The following SCAF4 variants were observed in gnomAD, a reference collection of about 807,000 sequenced individuals.
SCAF4 encodes SR-related CTD associated factor 4, also known as SR-related and CTD-associated factor 4.
In SCAF4, 25 loss-of-function variants were observed where a neutral mutation model predicts 129.8. That is an observed-to-expected ratio of 0.19 (90% CI 0.14 to 0.27). SCAF4 has a LOEUF of 0.27. Among genes scored for constraint, SCAF4 ranks in the 10% least tolerant of loss-of-function variants. The pLI, the probability that SCAF4 is intolerant of heterozygous loss-of-function variation, is 1.00. For missense variants in SCAF4, 1,246 were observed against 1,457.1 expected, an observed-to-expected ratio of 0.86 and a Z score of 2.36; for synonymous variants, 551 against 497.7, an observed-to-expected ratio of 1.11 and a Z score of -1.43.
chr21:31,683,676 G>C (rs1012131623), intron 19 of SCAF4, among the ~76,000 whole-genome samples: 1 of 151,182 alleles, frequency 6.6e-6, no homozygotes, highest in African/African-American at 2.4e-5. Flanking sequence ...TTGCTATCCA[G>C]ATTCTGTGAT....
At chr21:31,727,668 T>C (rs768671393) in intron 1 of SCAF4, among the ~76,000 whole-genome samples, 1 of 152,038 alleles carries the variant, frequency 6.6e-6, no homozygotes, top group African/African-American at 2.4e-5. Flanking sequence ...GGTGTGCTCC[T>C]GTAGTCCCAG....
Position 31,685,557 on chromosome 21 carries a change from A to G in SCAF4, c.2209+11T>C, listed in dbSNP as rs778594323. On this transcript the variant is annotated intron_variant, in intron 17 of 19. Coordinates refer to ENST00000286835, the MANE Select transcript of SCAF4 (RefSeq NM_020706.2). ...AGGCTCTAAAGTATGTTCACAGACA[A>G]TTTAGTGTACCTGGTGGTAAATGCA... The G allele has an allele frequency of 1.9e-6, 3 of 1,614,136 alleles. No homozygotes were observed. Among genetic ancestry groups the G allele is most frequent in the Admixed American group, 1.7e-5 (1 of 60,028 alleles).
intron 6 of SCAF4, 142 bp downstream of exon 6, chr21:31,701,634 T>C (rs1201309711): frequency 6.1e-6 from 5 of 814,856 alleles, no homozygotes; most frequent in Non-Finnish European, 7.3e-6. Flanking sequence ...CCTCCTACAT[T>C]ACTTCTCTTG....
chr21:31,724,851 C>T (rs1275575772), intron 1 of SCAF4, among the ~76,000 whole-genome samples: 1 of 152,196 alleles, frequency 6.6e-6, no homozygotes, highest in Non-Finnish European at 1.5e-5. Flanking sequence ...ATCAATTCCT[C>T]ATGTGTTCAT....
At chr21:31,688,233 C>G in intron 16 of SCAF4, 74 bp downstream of exon 16, 2 of 1,396,230 alleles carry the variant, frequency 1.4e-6, no homozygotes, top group Admixed American at 4.1e-5. Flanking sequence ...TGAATCCAGA[C>G]ATATATCTAC....
chr21:31,671,314 G>T lies in SCAF4; in HGVS notation c.*85C>A. 6.8e-7 allele frequency: 1 copy of T among 1,472,246 alleles called. No individual in the cohort carries two copies. The highest frequency in any genetic ancestry group is 9.1e-7 in the Non-Finnish European group (1 of 1,095,688). The allele number at this position is 1,472,246 out of a possible 1,614,324, so 91.2% of individuals were successfully genotyped here. A position where few individuals can be genotyped will look rare whatever the true frequency, so the allele number is the denominator to read the frequency against. The stretch of plus-strand genomic sequence containing the variant: ...AGCTGGCGCGGGGCTGCAGTACAGC[G>T]GGAGCGGATATAATACAGCATCTGT... On this transcript the variant is annotated 3_prime_UTR_variant, in exon 20 of 20. Transcript: ENST00000286835.
In SCAF4 at chr21:31,693,467, C is replaced by T. The variant is rs1177245941; in HGVS notation, c.1340G>A (p.Arg447Gln). Residue 447 changes from arginine (R) to glutamine (Q), a missense_variant, in exon 12 of 20, where the codon CGA becomes CAA. Around this residue, in one of 6 missense-constraint regions of SCAF4, gnomAD observed 468 missense variants for 605.5 expected, o/e 0.77. Coordinates refer to ENST00000286835, the MANE Select transcript of SCAF4 (RefSeq NM_020706.2). Reference protein sequence around the residue: ...RSASRSPKRRRSRSGSRSRRS... With the variant: ...RSASRSPKRRQSRSGSRSRRS... ...TCGAGATCTAGAACCAGATCTAGAT[C>T]GCCTCCTTTTTGGTGACCTAATGTT... is the stretch of plus-strand genomic sequence containing the variant. 6.7e-7 allele frequency: 1 copy of T among 1,499,550 alleles called. No homozygotes were observed. The highest frequency in any genetic ancestry group is 1.9e-5 in the Admixed American group (1 of 53,822). The allele number at this position is 1,499,550 out of a possible 1,614,324, so 92.9% of individuals were successfully genotyped here.
intron 16 of SCAF4, among the ~76,000 whole-genome samples, chr21:31,686,254 G>A (rs888676889): frequency 1.4e-5 from 2 of 147,564 alleles, no homozygotes; most frequent in Non-Finnish European, 3.0e-5. Flanking sequence ...AGAAATCAAA[G>A]TTGCGCTCTT....
chr21:31,688,220 C>A, intron 16 of SCAF4, 87 bp downstream of exon 16: 1 of 1,116,352 alleles, frequency 9.0e-7, no homozygotes, highest in Admixed American at 2.7e-5. Flanking sequence ...ATGTTTTTTA[C>A]TATGAATCCA....
intron 1 of SCAF4, among the ~76,000 whole-genome samples, chr21:31,711,783 T>C (rs2050805718): frequency 6.6e-6 from 1 of 152,132 alleles, no homozygotes. Context: ...TACTAATATA[T>C]AATTGTTATG....
intron 1 of SCAF4, chr21:31,706,916 T>C: frequency 3.2e-6 from 1 of 311,592 alleles, no homozygotes; most frequent in South Asian, 2.9e-5. Context: ...CTCTCTTCAA[T>C]CCAGAGGAGT....
At chr21:31,686,023 C>T (rs926851375) in intron 16 of SCAF4, among the ~76,000 whole-genome samples, 5 of 151,358 alleles carry the variant, frequency 3.3e-5, no homozygotes, top group East Asian at 3.9e-4. Flanking sequence ...GTCAACATGG[C>T]GAAACCCTGT....
At chr21:31,674,021 A>G (rs537406453) in intron 19 of SCAF4, among the ~76,000 whole-genome samples, 10 of 152,344 alleles carry the variant, frequency 6.6e-5, no homozygotes, top group African/African-American at 2.2e-4. Context: ...TATTATAACA[A>G]GAGAATTTAG....
chr21:31,691,644 C>A, intron 14 of SCAF4, among the ~76,000 whole-genome samples, 173 bp downstream of exon 14: 1 of 141,962 alleles, frequency 7.0e-6, no homozygotes, highest in African/African-American at 2.6e-5. Flanking sequence ...TATGCTGAAA[C>A]ACTGGAGTTC....
chr21:31,696,612 C>T lies in SCAF4; in HGVS notation c.916G>A (p.Ala306Thr). ...PAPTATVPAA[A>T]APAAASPPPP... ...GGAGGAGAGGCAGCAGCGGGTGCAG[C>T]AGCAGCAGGCACGGTGGCGGTGGGT... The change falls in exon 8 of 20, where the codon GCT becomes ACT. Residue 306 changes from alanine (A) to threonine (T), a missense_variant. Ala to Thr is a moderately conservative substitution (Grantham distance 58, BLOSUM62 0). This residue lies in a region of SCAF4 where 236 missense variants were observed against 210.0 expected (regional missense o/e 1.12). Transcript: ENST00000286835. 1 of 1,612,058 alleles carries T rather than the reference C, an allele frequency of 6.2e-7. No individual in the cohort carries two copies. Among genetic ancestry groups the T allele is most frequent in the Non-Finnish European group, 8.5e-7 (1 of 1,179,056 alleles).
intron 14 of SCAF4, 110 bp from the exon 15 acceptor site, chr21:31,691,063 A>G (rs1181563467): frequency 5.1e-6 from 4 of 786,844 alleles, no homozygotes; most frequent in Non-Finnish European, 5.9e-6. Context: ...CAAGGGAGCA[A>G]TCTGGACCAG....
At chr21:31,723,305 G>A (rs2051116102) in intron 1 of SCAF4, among the ~76,000 whole-genome samples, 1 of 151,798 alleles carries the variant, frequency 6.6e-6, no homozygotes, top group South Asian at 2.1e-4. Flanking sequence ...TACAAAAATT[G>A]GCCGGGCCCG....
chr21:31,731,543 C>T, intron 1 of SCAF4, 120 bp downstream of exon 1: 1 of 1,250,136 alleles, frequency 8.0e-7, no homozygotes, highest in Non-Finnish European at 1.1e-6. Flanking sequence ...CCCCGCCGCC[C>T]CGGAACCGGG....
intron 1 of SCAF4, among the ~76,000 whole-genome samples, chr21:31,728,498 GGA>G (rs1417684263): frequency 6.6e-6 from 1 of 152,146 alleles, no homozygotes; most frequent in African/African-American, 2.4e-5. Context: ...CAATTAAATT[GGA>G]GAGATCCCAA....
Sources: allele counts gnomAD v4.1 joint callset (sites outside exome capture counted in the v4.1 genomes callset), GRCh38; gene constraint gnomAD v4.1.1; regional missense constraint gnomAD v4.1.1; transcripts MANE v1.5; gene names NCBI Gene and HGNC (gene_info 2026-07-23, HGNC 2026-07-21).